Variants in PTPRT observed in about 807,000 individuals in gnomAD.
PTPRT encodes protein tyrosine phosphatase receptor type T.
Under a neutral mutation model 176.8 loss-of-function variants are expected in PTPRT, and 56 were observed. That is an observed-to-expected ratio of 0.32 (90% CI 0.26 to 0.40). PTPRT has a LOEUF of 0.40. Ranked by LOEUF, PTPRT falls within the 10% of genes least tolerant of loss-of-function variation. The pLI is 1.00. For synonymous variants in PTPRT, 783 were observed against 739.0 expected (o/e 1.06, Z -0.96); for missense variants, 1,540 against 1,908.2 (o/e 0.81, Z 3.60).
chr20:42,309,062 T>C (rs1371301739), intron 12 of PTPRT, among the ~76,000 whole-genome samples: 1 of 152,170 alleles, frequency 6.6e-6, no homozygotes. Flanking sequence ...TAGCTTAGCA[T>C]TTGGCAGAGG....
chr20:42,983,853 T>C (rs1339843988), intron 1 of PTPRT, among the ~76,000 whole-genome samples: 12 of 152,232 alleles, frequency 7.9e-5, no homozygotes, highest in Admixed American at 7.9e-4. Flanking sequence ...ATAGGTTGTA[T>C]TTCCCTGGGC....
At chr20:42,559,879 C>T (rs185310760) in intron 7 of PTPRT, among the ~76,000 whole-genome samples, 6 of 152,206 alleles carry the variant, frequency 3.9e-5, no homozygotes, top group Admixed American at 1.3e-4. Flanking sequence ...TCATCCAAGC[C>T]GGGTGGGAGG....
chr20:42,715,740 T>C (rs2076213305), intron 6 of PTPRT, among the ~76,000 whole-genome samples: 1 of 152,220 alleles, frequency 6.6e-6, no homozygotes, highest in Non-Finnish European at 1.5e-5. Flanking sequence ...ACCATATTCA[T>C]GGATTGGAAG....
intron 1 of PTPRT, among the ~76,000 whole-genome samples, chr20:42,947,023 A>G (rs760560978): frequency 6.6e-6 from 1 of 152,188 alleles, no homozygotes; most frequent in Non-Finnish European, 1.5e-5. Context: ...GAGCGGCTAC[A>G]GGGAGATTTC....
intron 2 of PTPRT, among the ~76,000 whole-genome samples, chr20:42,801,192 A>G (rs1235534388): frequency 1.3e-5 from 2 of 152,176 alleles, no homozygotes; most frequent in Admixed American, 1.3e-4. Flanking sequence ...ATGCCATCAC[A>G]TTATTTTGCT....
intron 1 of PTPRT, among the ~76,000 whole-genome samples, chr20:42,957,238 G>T (rs1001664539): frequency 6.6e-6 from 1 of 152,138 alleles, no homozygotes; most frequent in Non-Finnish European, 1.5e-5. Flanking sequence ...GCCAAAGGTC[G>T]AGTGGCAGTA....
intron 1 of PTPRT, among the ~76,000 whole-genome samples, chr20:42,999,384 T>A (rs554329132): frequency 1.3e-5 from 2 of 151,892 alleles, no homozygotes; most frequent in Non-Finnish European, 2.9e-5. Flanking sequence ...ACAATAAGAA[T>A]GTATTAACTT....
intron 1 of PTPRT, among the ~76,000 whole-genome samples, chr20:43,155,749 C>G (rs1165880951): frequency 6.6e-6 from 1 of 152,104 alleles, no homozygotes; most frequent in Non-Finnish European, 1.5e-5. Context: ...AACCATTCTG[C>G]AATGTCTATA....
chr20:42,184,541 C>CTCTTCCTCTTCTTCTTCT lies in PTPRT; in HGVS notation c.2491+14698_2491+14699insAGAAGAAGAAGAGGAAGA, dbSNP rs1555797959. 8.8e-4 allele frequency among the ~76,000 whole-genome samples: 81 copies of CTCTTCCTCTTCTTCTTCT among 91,622 alleles called. 3 individuals carry two copies. Among genetic ancestry groups the CTCTTCCTCTTCTTCTTCT allele is most frequent in the African/African-American group, 2.8e-3 (60 of 21,686 alleles). 60.1% of individuals were successfully genotyped at this position (91,622 alleles called of 152,430 possible). On this transcript the variant is annotated intron_variant, in intron 16 of 30. Coordinates refer to ENST00000373187, the MANE Select transcript of PTPRT (RefSeq NM_007050.6). ...CTCCTTCTTCTTCTTCTTCCTCTTCCTCTTCTTCTTCTTCTTCTTATTCTT... is the reference window on the plus strand; with the variant it reads ...CTCCTTCTTCTTCTTCTTCCTCTTCCTCTTCCTCTTCTTCTTCTTCTTCTTCTTCTTCTTCTTATTCTT...
chr20:42,527,111 C>T (rs1232688011), intron 7 of PTPRT, among the ~76,000 whole-genome samples: 1 of 151,880 alleles, frequency 6.6e-6, no homozygotes, highest in African/African-American at 2.4e-5. Context: ...CTACAGGCGC[C>T]TGCCACTATG....
intron 7 of PTPRT, among the ~76,000 whole-genome samples, chr20:42,673,991 A>G (rs2075456228): frequency 6.6e-6 from 1 of 152,140 alleles, no homozygotes; most frequent in East Asian, 1.9e-4. Flanking sequence ...TCCTCTGGGC[A>G]GAAATTATAC....
chr20:42,846,890 C>T (rs1178176747), intron 2 of PTPRT, among the ~76,000 whole-genome samples: 2 of 152,182 alleles, frequency 1.3e-5, no homozygotes, highest in Non-Finnish European at 2.9e-5. Context: ...TACCCTAGTG[C>T]TGTGGTAGAA....
At position 42,678,150 on chromosome 20, in the gene PTPRT, G is replaced by A. The variant is rs200588327; in HGVS notation, c.869C>T (p.Thr290Met). The change falls in exon 7 of 31, where the codon ACG (threonine) becomes ATG (methionine). Residue 290 changes from threonine to methionine, a missense_variant. By Grantham distance (81) the Thr-to-Met change is moderately conservative. Coordinates refer to ENST00000373187, the MANE Select transcript of PTPRT (RefSeq NM_007050.6). ...CAGCAGCTCTGGGGGAGCAATGGGC[G>A]TGGGAGGCTCTGTAAGACAAGCAAT... is the stretch of plus-strand genomic sequence containing the variant. Reference protein sequence around the residue: ...YAELIVKEPPTPIAPPELLAV... With the variant: ...YAELIVKEPPMPIAPPELLAV... 42 of 1,613,012 alleles carry A rather than the reference G, an allele frequency of 2.6e-5. No homozygotes were observed. The highest frequency in any genetic ancestry group is 4.5e-5 in the East Asian group (2 of 44,852).
At chr20:42,667,879 G>A (rs1410527051) in intron 7 of PTPRT, among the ~76,000 whole-genome samples, 4 of 152,274 alleles carry the variant, frequency 2.6e-5, no homozygotes, top group African/African-American at 9.6e-5. Context: ...AGAGGGCGAG[G>A]AAGTGCAGGG....
intron 2 of PTPRT, among the ~76,000 whole-genome samples, chr20:42,826,669 T>C (rs948668255): frequency 1.1e-4 from 16 of 152,128 alleles, no homozygotes; most frequent in African/African-American, 3.9e-4. Context: ...GATAACCAAC[T>C]AACAACAAAA....
chr20:42,446,780 C>T lies in PTPRT; in HGVS notation c.1560+1440G>A, dbSNP rs1045399156. 5.3e-5 allele frequency among the ~76,000 whole-genome samples: 8 copies of T among 152,258 alleles called. No homozygotes were observed. The South Asian group carries it at 1.0e-3, about 20-fold the overall frequency. On this transcript the variant is annotated intron_variant, in intron 9 of 30. Coordinates refer to ENST00000373187, the MANE Select transcript of PTPRT (RefSeq NM_007050.6). Reference sequence around the variant, plus strand: ...TTAGTATGAGTACCTGCCCTCCTCTCGGGGTACTCCCCAGGAAGAAAGCTT... The same window carrying T: ...TTAGTATGAGTACCTGCCCTCCTCTTGGGGTACTCCCCAGGAAGAAAGCTT...
chr20:42,261,533 G>A, intron 13 of PTPRT, among the ~76,000 whole-genome samples: 1 of 151,960 alleles, frequency 6.6e-6, no homozygotes, highest in Non-Finnish European at 1.5e-5. Flanking sequence ...TGGGCTACAA[G>A]CAGGAGCGGG....
chr20:43,187,984 T>TA (rs1213037724), intron 1 of PTPRT, among the ~76,000 whole-genome samples: 2 of 152,224 alleles, frequency 1.3e-5, no homozygotes, highest in Non-Finnish European at 2.9e-5. Context: ...CCCGAGCCGG[T>TA]ACGGGTTTTA....
At chr20:42,834,607 T>G (rs1403503823) in intron 2 of PTPRT, among the ~76,000 whole-genome samples, 1 of 152,154 alleles carries the variant, frequency 6.6e-6, no homozygotes, top group Non-Finnish European at 1.5e-5. Flanking sequence ...TCCGAAACAA[T>G]GCAAATGTTA....
Sources: allele counts gnomAD v4.1 joint callset (sites outside exome capture counted in the v4.1 genomes callset), GRCh38; gene constraint gnomAD v4.1.1; transcripts MANE v1.5; gene names NCBI Gene and HGNC (gene_info 2026-07-23, HGNC 2026-07-21).